The following SLC19A2 variants were observed in gnomAD, a reference collection of about 807,000 sequenced individuals.
SLC19A2 encodes solute carrier family 19 member 2, also known as thiamine transporter 1.
Under a neutral mutation model 44.7 loss-of-function variants are expected in SLC19A2, and 27 were observed. The observed-to-expected ratio is 0.60, with a 90% CI of 0.45 to 0.83. SLC19A2 has a LOEUF of 0.83. Ranked by LOEUF, SLC19A2 falls within the 40% of genes least tolerant of loss-of-function variation. The pLI, the probability that SLC19A2 is intolerant of heterozygous loss-of-function variation, is 0.00. For synonymous variants in SLC19A2, 239 were observed against 243.6 expected (o/e 0.98, Z 0.18); for missense variants, 566 against 613.7 (o/e 0.92, Z 0.82).
intron 5 of SLC19A2, 118 bp downstream of exon 5, chr1:169,467,993 G>T: frequency 1.0e-6 from 1 of 987,570 alleles, no homozygotes; most frequent in Non-Finnish European, 1.6e-6. Flanking sequence ...AGGAGGGTAT[G>T]CTTTTACTTT....
At chr1:169,477,918 TTTTG>T (rs1041613537) in intron 1 of SLC19A2, among the ~76,000 whole-genome samples, 161 bp from the exon 2 acceptor site, 2 of 152,222 alleles carry the variant, frequency 1.3e-5, no homozygotes, top group Non-Finnish European at 2.9e-5. Context: ...TTTCTCTCTT[TTTTG>T]TTTGAGATGG....
intron 1 of SLC19A2, among the ~76,000 whole-genome samples, chr1:169,479,953 G>A (rs950689227): frequency 6.6e-6 from 1 of 152,210 alleles, no homozygotes; most frequent in Non-Finnish European, 1.5e-5. Flanking sequence ...AGCTATAAAA[G>A]TAAAACATAA....
intron 1 of SLC19A2, among the ~76,000 whole-genome samples, chr1:169,479,934 G>A (rs1658407266): frequency 6.6e-6 from 1 of 152,198 alleles, no homozygotes; most frequent in African/African-American, 2.4e-5. Flanking sequence ...TCTTGCCAGT[G>A]CAGAGCATAG....
chr1:169,471,991 T>C (rs993438776), intron 2 of SLC19A2, among the ~76,000 whole-genome samples: 8 of 152,148 alleles, frequency 5.3e-5, no homozygotes, highest in Admixed American at 5.2e-4. Context: ...GGAGGAGTAC[T>C]GAGGTTAATC....
chr1:169,472,527 A>G (rs535309750), intron 2 of SLC19A2, among the ~76,000 whole-genome samples: 1 of 152,364 alleles, frequency 6.6e-6, no homozygotes, highest in South Asian at 2.1e-4. Context: ...TACACTAGAT[A>G]ATGTATATAT....
Position 169,466,102 on chromosome 1 carries a change from C to G in SLC19A2, c.1366-125G>C, listed in dbSNP as rs538851000. On this transcript the variant is annotated intron_variant, in intron 5 of 5. Transcript: ENST00000236137. ...TGCATACTTACACCACGTGCCAGAC[C>G]CTGAAGACACAAAGCAGCATCACAG... 738 of 1,080,154 alleles carry G rather than the reference C, an allele frequency of 6.8e-4. 6 individuals are homozygous for G. In the African/African-American group the frequency reaches 0.011, roughly 15 times the overall value. 66.9% of individuals were successfully genotyped at this position (1,080,154 alleles called of 1,614,324 possible).
chr1:169,469,618 A>G (rs1348431253), intron 3 of SLC19A2, among the ~76,000 whole-genome samples: 1 of 152,206 alleles, frequency 6.6e-6, no homozygotes. Context: ...AACAAATATT[A>G]GATACTATTG....
chr1:169,485,337 C>A (rs958912186), intron 1 of SLC19A2, among the ~76,000 whole-genome samples: 2 of 152,240 alleles, frequency 1.3e-5, no homozygotes, highest in African/African-American at 4.8e-5. Flanking sequence ...AGGCACGGGG[C>A]CTCTGGACGC....
Position 169,470,159 on chromosome 1 carries a change from A to G in SLC19A2, c.835T>C (p.Leu279=), listed in dbSNP as rs988192130. The part of the protein sequence containing the change: ...PEPKPDRLLV[L]KVLWNDFLMC... ...AGGAAATCATTCCATAGTACTTTCAATACAAGGAGACGGTCTGGCTTGGGT... is the reference window on the plus strand; with the variant it reads ...AGGAAATCATTCCATAGTACTTTCAGTACAAGGAGACGGTCTGGCTTGGGT... Residue 279 remains leucine (L), a synonymous_variant, in exon 3 of 6, where the codon TTG becomes CTG. Transcript: ENST00000236137. 2.5e-6 allele frequency: 4 copies of G among 1,613,964 alleles called. No individual in the cohort carries two copies. In the Admixed American group the frequency reaches 6.7e-5, roughly 27 times the overall value.
upstream of SLC19A2, chr1:169,485,962 GC>G: frequency 1.5e-6 from 1 of 659,004 alleles, no homozygotes; most frequent in Non-Finnish European, 2.5e-6. Context: ...CTGCCTGATC[GC>G]CCAGTTTAAG....
chr1:169,468,542 G>A (rs896257106), intron 4 of SLC19A2, 102 bp downstream of exon 4: 1 of 938,900 alleles, frequency 1.1e-6, no homozygotes, highest in Non-Finnish European at 1.7e-6. Flanking sequence ...CCTCCCATTT[G>A]CCTCATTTAA....
rs1657940120 is a variant in SLC19A2 at position 169,464,407 on chromosome 1, A to C, written c.*1442T>G. ...TTCCCTTAATAGTAAAGGATGGTGA[A>C]TAGAAAATGACCTATTCTTATCCCC... On this transcript the variant is annotated 3_prime_UTR_variant, in exon 6 of 6. Coordinates refer to ENST00000236137, the MANE Select transcript of SLC19A2 (RefSeq NM_006996.3). 6.6e-6 allele frequency: 1 copy of C among 152,192 alleles called. No homozygotes were observed. Among genetic ancestry groups the C allele is most frequent in the Non-Finnish European group, 1.5e-5 (1 of 68,012 alleles). The allele number at this position is 152,192 out of a possible 1,614,324, so 9.4% of individuals were successfully genotyped here. A position where few individuals can be genotyped will look rare whatever the true frequency, so the allele number is the denominator to read the frequency against.
At chr1:169,468,412 G>T (rs1307071207) in intron 4 of SLC19A2, 160 bp from the exon 5 acceptor site, 12 of 713,852 alleles carry the variant, frequency 1.7e-5, no homozygotes, top group Non-Finnish European at 2.7e-5. Flanking sequence ...GCAACTAAAT[G>T]ATATAAATCT....
rs1262721218 is a variant in SLC19A2, at chr1:169,465,681, C to T, written c.*168G>A. The T allele has an allele frequency of 5.8e-6, 4 of 690,868 alleles. No homozygotes were observed. The highest frequency in any genetic ancestry group is 2.4e-5 in the Admixed American group (1 of 41,204). The allele number at this position is 690,868 out of a possible 1,614,324, so 42.8% of individuals were successfully genotyped here. On this transcript the variant is annotated 3_prime_UTR_variant, in exon 6 of 6. Transcript: ENST00000236137. ...GAAATAAACTTTACTTCTGGCTCCT[C>T]TGAATAGTATCATGTTATTCCCGGA... is the stretch of plus-strand genomic sequence containing the variant.
rs2072757 is a variant in SLC19A2 at position 169,485,770 on chromosome 1, G to A, written c.-4C>T. ...ACACCGGGCCGGGCACATCCATCCG[G>A]GGCGCGAGGGGAGGGGACCCGGCCC... On this transcript the variant is annotated 5_prime_UTR_variant, in exon 1 of 6. Coordinates refer to ENST00000236137, the MANE Select transcript of SLC19A2 (RefSeq NM_006996.3). 189,612 of 1,529,132 alleles carry A rather than the reference G, an allele frequency of 0.12. 14,292 individuals are homozygous for A. Among genetic ancestry groups the A allele is most frequent in the African/African-American group, 0.29 (21,235 of 72,502 alleles). 94.7% of individuals were successfully genotyped at this position (1,529,132 alleles called of 1,614,324 possible).
chr1:169,483,788 G>A (rs1463624580), intron 1 of SLC19A2, among the ~76,000 whole-genome samples: 2 of 152,190 alleles, frequency 1.3e-5, no homozygotes, highest in Admixed American at 6.5e-5. Context: ...CCGGAAAGGC[G>A]CACAAACTGT....
intron 4 of SLC19A2, 192 bp from the exon 5 acceptor site, chr1:169,468,444 T>A: frequency 1.5e-6 from 1 of 689,258 alleles, no homozygotes; most frequent in Non-Finnish European, 2.4e-6. Flanking sequence ...CTGAAAACAG[T>A]AGGAACATAC....
chr1:169,468,307 A>G (rs1048178231), intron 4 of SLC19A2, 55 bp from the exon 5 acceptor site: 4 of 1,408,062 alleles, frequency 2.8e-6, no homozygotes, highest in African/African-American at 1.5e-5. Flanking sequence ...AGTACTTATA[A>G]TATTTATTCT....
At chr1:169,475,862 G>T (rs191761767) in intron 2 of SLC19A2, among the ~76,000 whole-genome samples, 4 of 152,180 alleles carry the variant, frequency 2.6e-5, no homozygotes, top group Non-Finnish European at 4.4e-5. Context: ...CGGGGATAGA[G>T]AAAAGAGAGT....
Sources: gnomAD v4.1 joint callset for allele counts (sites outside exome capture counted in the v4.1 genomes callset) on GRCh38, gnomAD v4.1.1 for gene constraint, MANE v1.5 for transcripts, NCBI Gene and HGNC (gene_info 2026-07-23, HGNC 2026-07-21) for gene names.